Variants in RPS6KC1 observed in about 807,000 individuals in gnomAD.
RPS6KC1 encodes the protein ribosomal protein S6 kinase C1.
Under a neutral mutation model 103.8 loss-of-function variants are expected in RPS6KC1, and 54 were observed. The ratio of observed to expected loss-of-function variants is 0.52; its 90% CI spans 0.42 to 0.65. The LOEUF (loss-of-function observed/expected upper bound fraction) is 0.65. Among genes scored for constraint, RPS6KC1 ranks in the 30% least tolerant of loss-of-function variants. The pLI, the probability that RPS6KC1 is intolerant of heterozygous loss-of-function variation, is 0.00. For missense variants in RPS6KC1, 1,151 were observed against 1,253.8 expected, an observed-to-expected ratio of 0.92 and a Z score of 1.24; for synonymous variants, 439 against 438.7, an observed-to-expected ratio of 1.00 and a Z score of -0.01.
At chr1:213,565,535 C>T in the RPS6KC1 span, among the ~76,000 whole-genome samples, 1 of 152,106 alleles carries the variant, frequency 6.6e-6, no homozygotes, top group East Asian at 1.9e-4. Context: ...CATTTATGTG[C>T]AACTCTAGCG....
the RPS6KC1 span, among the ~76,000 whole-genome samples, chr1:213,657,828 T>C: frequency 2.0e-5 from 3 of 152,230 alleles, no homozygotes; most frequent in Non-Finnish European, 4.4e-5. Flanking sequence ...CTTTCACAGA[T>C]ATTTATTGAA....
At chr1:213,360,452 A>G in the RPS6KC1 span, among the ~76,000 whole-genome samples, 2 of 152,146 alleles carry the variant, frequency 1.3e-5, no homozygotes, top group East Asian at 1.9e-4. Flanking sequence ...CTAGTTAGCC[A>G]TTAGTCTAAT....
At chr1:213,630,392 T>G in the RPS6KC1 span, among the ~76,000 whole-genome samples, 1 of 152,250 alleles carries the variant, frequency 6.6e-6, no homozygotes, top group Non-Finnish European at 1.5e-5. Context: ...GCTTCTGCAT[T>G]CGTCATGTAG....
At chr1:213,465,924 G>A in the RPS6KC1 span, among the ~76,000 whole-genome samples, 1 of 152,114 alleles carries the variant, frequency 6.6e-6, no homozygotes, top group East Asian at 1.9e-4. Flanking sequence ...CCCATACCGA[G>A]GTCGTGCCTT....
chr1:213,307,623 C>G, the RPS6KC1 span, among the ~76,000 whole-genome samples: 1 of 152,180 alleles, frequency 6.6e-6, no homozygotes, highest in African/African-American at 2.4e-5. Context: ...GATTCTTTAA[C>G]CCATCCCAGG....
the RPS6KC1 span, among the ~76,000 whole-genome samples, chr1:213,481,889 G>A: frequency 6.6e-6 from 1 of 152,138 alleles, no homozygotes; most frequent in Admixed American, 6.5e-5. Flanking sequence ...TGGATCATGG[G>A]GGTGGATTTC....
the RPS6KC1 span, among the ~76,000 whole-genome samples, chr1:213,658,964 C>CTT: frequency 6.6e-6 from 1 of 151,678 alleles, no homozygotes; most frequent in African/African-American, 2.4e-5. Flanking sequence ...CTTTTCTTTT[C>CTT]TTTTTTTTCT....
intron 5 of RPS6KC1, among the ~76,000 whole-genome samples, chr1:213,119,425 CATATATAT>C (rs757888943): frequency 1.1e-5 from 1 of 91,016 alleles, no homozygotes; most frequent in Non-Finnish European, 2.0e-5. Context: ...CCAGCCTGGG[CATATATAT>C]ATATATATAT....
the RPS6KC1 span, among the ~76,000 whole-genome samples, chr1:213,303,154 A>G: frequency 6.6e-6 from 1 of 152,166 alleles, no homozygotes; most frequent in African/African-American, 2.4e-5. Flanking sequence ...GGACTGGCTG[A>G]CTGCTGGTCA....
chr1:213,313,674 C>T, the RPS6KC1 span, among the ~76,000 whole-genome samples: 1 of 152,156 alleles, frequency 6.6e-6, no homozygotes, highest in East Asian at 1.9e-4. Context: ...CTTAGAATAA[C>T]AGAAACTTGG....
the RPS6KC1 span, among the ~76,000 whole-genome samples, chr1:213,421,437 A>G: frequency 1.4e-4 from 21 of 152,206 alleles, no homozygotes; most frequent in Admixed American, 6.5e-5. Flanking sequence ...TTTTGAGAGG[A>G]CACAATTAAA....
intron 6 of RPS6KC1, among the ~76,000 whole-genome samples, chr1:213,148,908 TTGTA>T (rs777061785): frequency 2.6e-5 from 4 of 152,156 alleles, no homozygotes; most frequent in Non-Finnish European, 4.4e-5. Flanking sequence ...TCTTGGTAGG[TTGTA>T]TATAAGTAGG....
At chr1:213,523,528 G>T in the RPS6KC1 span, among the ~76,000 whole-genome samples, 1 of 152,110 alleles carries the variant, frequency 6.6e-6, no homozygotes, top group Non-Finnish European at 1.5e-5. Context: ...CAATCTACAG[G>T]GTTGTTGTAA....
chr1:213,799,162 TATC>T, the RPS6KC1 span, among the ~76,000 whole-genome samples: 3 of 152,232 alleles, frequency 2.0e-5, no homozygotes, highest in Admixed American at 2.0e-4. Context: ...CAACTGGAAA[TATC>T]ATTTCATTGG....
At chr1:213,636,851 T>G in the RPS6KC1 span, among the ~76,000 whole-genome samples, 51 of 152,002 alleles carry the variant, frequency 3.4e-4, no homozygotes, top group African/African-American at 1.1e-3. Flanking sequence ...GGAGAAAAAT[T>G]TTTGCAATCT....
At chr1:213,748,592 T>C in the RPS6KC1 span, among the ~76,000 whole-genome samples, 2 of 152,226 alleles carry the variant, frequency 1.3e-5, no homozygotes, top group Non-Finnish European at 2.9e-5. Flanking sequence ...TTATATAGGC[T>C]TCAGGAATGT....
At chr1:213,151,483 C>G (rs1175866028) in intron 6 of RPS6KC1, among the ~76,000 whole-genome samples, 1 of 127,212 alleles carries the variant, frequency 7.9e-6, no homozygotes, top group South Asian at 2.5e-4. Context: ...CTGACCCCCC[C>G]ACCTCCCTCC....
At chr1:213,126,468 G>A (rs2085001369) in intron 5 of RPS6KC1, among the ~76,000 whole-genome samples, 1 of 152,022 alleles carries the variant, frequency 6.6e-6, no homozygotes, top group African/African-American at 2.4e-5. Context: ...ATATTGACAG[G>A]GTGCCAAAGC....
At chr1:213,508,480 AATG>A in the RPS6KC1 span, among the ~76,000 whole-genome samples, 1 of 152,074 alleles carries the variant, frequency 6.6e-6, no homozygotes, top group East Asian at 1.9e-4. Flanking sequence ...ACATTTGTAA[AATG>A]AAGCTGTGTT....
Sources: allele counts gnomAD v4.1 joint callset (sites outside exome capture counted in the v4.1 genomes callset), GRCh38; gene constraint gnomAD v4.1.1; transcripts MANE v1.5; gene names NCBI Gene and HGNC (gene_info 2026-07-23, HGNC 2026-07-21).